Variants in CTNNA3 observed in about 807,000 individuals in gnomAD.
CTNNA3 encodes catenin alpha 3.
In CTNNA3, 76 loss-of-function variants were observed where a neutral mutation model predicts 95.7. The ratio of observed to expected loss-of-function variants is 0.79; its 90% confidence interval spans 0.66 to 0.96. The LOEUF (loss-of-function observed/expected upper bound fraction) is 0.96, where lower values mean the gene tolerates loss of function less well. Ranked by LOEUF, CTNNA3 falls within the 40% of genes least tolerant of loss-of-function variation. CTNNA3 has a pLI of 0.00. For missense variants in CTNNA3, 1,191 were observed against 1,089.8 expected (o/e 1.09, Z -1.31); for synonymous variants, 431 against 374.4 (o/e 1.15, Z -1.74).
intron 5 of CTNNA3, among the ~76,000 whole-genome samples, chr10:67,391,422 A>C (rs1264608407): frequency 6.6e-6 from 1 of 152,148 alleles, no homozygotes; most frequent in African/African-American, 2.4e-5. Flanking sequence ...AAACAAATGG[A>C]AGAACATTCC....
chr10:66,293,463 C>A (rs2091723273), intron 12 of CTNNA3, among the ~76,000 whole-genome samples: 1 of 151,726 alleles, frequency 6.6e-6, no homozygotes. Flanking sequence ...TAGATTACAA[C>A]AAGTTGTAAT....
intron 1 of CTNNA3, among the ~76,000 whole-genome samples, chr10:67,733,095 A>G (rs1253994823): frequency 6.6e-6 from 1 of 152,208 alleles, no homozygotes; most frequent in African/African-American, 2.4e-5. Context: ...TATTTTATCT[A>G]TGTCAAATAA....
intron 12 of CTNNA3, among the ~76,000 whole-genome samples, chr10:66,365,141 T>C (rs927518666): frequency 4.6e-5 from 7 of 152,014 alleles, no homozygotes; most frequent in Non-Finnish European, 7.4e-5. Context: ...AACCCAAATG[T>C]CCATCAATGA....
chr10:67,737,409 A>G (rs1229114786), intron 1 of CTNNA3, among the ~76,000 whole-genome samples: 1 of 152,194 alleles, frequency 6.6e-6, no homozygotes, highest in African/African-American at 2.4e-5. Flanking sequence ...AAGGACTTCA[A>G]ATAAACAACA....
At chr10:66,797,419 A>C (rs988234049) in intron 7 of CTNNA3, among the ~76,000 whole-genome samples, 4 of 146,946 alleles carry the variant, frequency 2.7e-5, no homozygotes, top group Admixed American at 6.8e-5. Flanking sequence ...AAAAAAAAAA[A>C]AAACCCACAT....
intron 7 of CTNNA3, among the ~76,000 whole-genome samples, chr10:67,055,832 C>A (rs566924315): frequency 6.6e-6 from 1 of 152,112 alleles, no homozygotes; most frequent in Non-Finnish European, 1.5e-5. Context: ...ACCTCCATAT[C>A]CCTAATGATA....
At chr10:66,294,983 T>C in intron 12 of CTNNA3, among the ~76,000 whole-genome samples, 1 of 152,124 alleles carries the variant, frequency 6.6e-6, no homozygotes, top group East Asian at 1.9e-4. Flanking sequence ...ATGCTTGATA[T>C]TAGGCTAATT....
At chr10:66,329,568 A>G (rs927143194) in intron 12 of CTNNA3, among the ~76,000 whole-genome samples, 2 of 62,762 alleles carry the variant, frequency 3.2e-5, no homozygotes, top group African/African-American at 1.0e-4. Flanking sequence ...GGGCTTGAAC[A>G]TGTTTCAGGG....
At chr10:66,164,247 G>T (rs2085005552) in intron 13 of CTNNA3, among the ~76,000 whole-genome samples, 1 of 152,082 alleles carries the variant, frequency 6.6e-6, no homozygotes, top group Non-Finnish European at 1.5e-5. Context: ...CAAATATGAT[G>T]TATATAGTAA....
chr10:67,348,399 A>T (rs2620935), intron 5 of CTNNA3, among the ~76,000 whole-genome samples: 1 of 152,084 alleles, frequency 6.6e-6, no homozygotes, highest in Admixed American at 6.6e-5. Context: ...AACCATATGT[A>T]TTAGTCCATT....
chr10:67,393,933 A>G lies in CTNNA3; in HGVS notation c.579+127909T>C, dbSNP rs58875150. On this transcript the variant is annotated intron_variant, in intron 5 of 17. Transcript: ENST00000433211. ...CAGCTCAATTCAGGATGGACTGATAATCACCCAGATCCTTCAGCAATAATG... is the reference window on the plus strand; with the variant it reads ...CAGCTCAATTCAGGATGGACTGATAGTCACCCAGATCCTTCAGCAATAATG... Among the ~76,000 whole-genome samples, 2,460 of 152,258 alleles carry G rather than the reference A, an allele frequency of 0.016. 140 individuals are homozygous for G. In the East Asian group the frequency reaches 0.21, roughly 13 times the overall value.
chr10:66,266,553 C>T (rs1445503422), intron 13 of CTNNA3, among the ~76,000 whole-genome samples: 3 of 151,954 alleles, frequency 2.0e-5, no homozygotes, highest in South Asian at 2.1e-4. Flanking sequence ...CAACATTTTC[C>T]GTAATCAGAG....
At chr10:67,648,091 G>A (rs1213295226) in intron 1 of CTNNA3, among the ~76,000 whole-genome samples, 1 of 152,066 alleles carries the variant, frequency 6.6e-6, no homozygotes, top group African/African-American at 2.4e-5. Context: ...CACAGTTGTT[G>A]TAAAAAGAGA....
rs150170147 is a variant in CTNNA3, at chr10:66,717,824, T to C, written c.1281+48440A>G. 4.2e-3 allele frequency among the ~76,000 whole-genome samples: 643 copies of C among 152,318 alleles called. 6 individuals carry two copies. The highest frequency in any genetic ancestry group is 0.015 in the African/African-American group (629 of 41,578). ...CAGCAGGTGATTTCCTTGAGAATGC[T>C]GACGATTCAATTTGCTGACAGCAGC... On this transcript the variant is annotated intron_variant, in intron 9 of 17. Coordinates refer to ENST00000433211, the MANE Select transcript of CTNNA3 (RefSeq NM_013266.4).
chr10:67,296,520 A>G (rs1275768929), intron 5 of CTNNA3, among the ~76,000 whole-genome samples: 1 of 152,200 alleles, frequency 6.6e-6, no homozygotes, highest in Non-Finnish European at 1.5e-5. Flanking sequence ...AAGGCAAATC[A>G]ATATTTGGAC....
rs542339136 is a variant in CTNNA3, at chr10:66,420,523, G to A, written c.1532-41171C>T. On this transcript the variant is annotated intron_variant, in intron 11 of 17. Coordinates refer to ENST00000433211, the MANE Select transcript of CTNNA3 (RefSeq NM_013266.4). The stretch of plus-strand genomic sequence containing the variant: ...CACTATTAAAAACAATATGGAGGCC[G>A]GGCACAGTGGATCATGCCTGTAATT... 4.4e-4 allele frequency among the ~76,000 whole-genome samples: 64 copies of A among 145,024 alleles called. 1 individual carries two copies. In the South Asian group the frequency reaches 4.5e-3, roughly 10 times the overall value.
chr10:67,183,721 A>T (rs143524371), intron 6 of CTNNA3, among the ~76,000 whole-genome samples: 1 of 151,908 alleles, frequency 6.6e-6, no homozygotes, highest in Non-Finnish European at 1.5e-5. Context: ...ATAAAATGTG[A>T]GGGTACTCCA....
chr10:66,141,939 G>T (rs955656431), intron 13 of CTNNA3, among the ~76,000 whole-genome samples: 2 of 152,092 alleles, frequency 1.3e-5, no homozygotes, highest in Non-Finnish European at 2.9e-5. Flanking sequence ...CGCAATTATT[G>T]TCTCCATGTC....
At chr10:67,119,535 G>T (rs996106771) in intron 7 of CTNNA3, among the ~76,000 whole-genome samples, 5 of 151,944 alleles carry the variant, frequency 3.3e-5, no homozygotes, top group Admixed American at 6.6e-5. Context: ...TTACCAGAGG[G>T]TCTGGAATTA....
Sources: allele counts gnomAD v4.1 joint callset (sites outside exome capture counted in the v4.1 genomes callset), GRCh38; gene constraint gnomAD v4.1.1; transcripts MANE v1.5; gene names NCBI Gene and HGNC (gene_info 2026-07-23, HGNC 2026-07-21).